The following RSPO4 variants were observed in gnomAD, a reference collection of about 807,000 sequenced individuals.
The protein encoded by RSPO4 is R-spondin 4.
A neutral mutation model predicts 24.8 loss-of-function variants in RSPO4; 23 were observed. The observed-to-expected ratio is 0.93, with a 90% confidence interval of 0.67 to 1.31. The LOEUF (loss-of-function observed/expected upper bound fraction) is 1.31, where lower values mean the gene tolerates loss of function less well. RSPO4 is among the 40% of genes most tolerant of loss of function. The pLI, the probability that RSPO4 is intolerant of heterozygous loss-of-function variation, is 0.00. For synonymous variants in RSPO4, 141 were observed against 127.4 expected, an observed-to-expected ratio of 1.11 and a Z score of -0.72; for missense variants, 333 against 316.5, an observed-to-expected ratio of 1.05 and a Z score of -0.39.
At chr20:971,870 G>T (rs1490860403) in intron 1 of RSPO4, among the ~76,000 whole-genome samples, 1 of 152,108 alleles carries the variant, frequency 6.6e-6, no homozygotes, top group African/African-American at 2.4e-5. Context: ...GCAGGAGGAG[G>T]CCTACATTCT....
chr20:965,264 G>A (rs949238229), intron 3 of RSPO4, among the ~76,000 whole-genome samples: 10 of 152,240 alleles, frequency 6.6e-5, no homozygotes, highest in South Asian at 2.1e-4. Context: ...GTGGGATGGC[G>A]GGGAAGGGGA....
intron 1 of RSPO4, among the ~76,000 whole-genome samples, chr20:991,472 T>C (rs1985099883): frequency 6.6e-6 from 1 of 152,028 alleles, no homozygotes; most frequent in African/African-American, 2.4e-5. Flanking sequence ...ATCTAGGTAA[T>C]ACAAGGAAGC....
rs1015782198 is a variant in RSPO4, at chr20:1,002,034, C to T, written c.79+52G>A. 3.4e-6 allele frequency: 5 copies of T among 1,477,866 alleles called. No homozygotes were observed. The African/African-American group carries it at 7.0e-5, about 21-fold the overall frequency. 91.5% of individuals were successfully genotyped at this position (1,477,866 alleles called of 1,614,324 possible). On this transcript the variant is annotated intron_variant, in intron 1 of 4. Transcript: ENST00000217260. This position sits in a 1 kb window ranked among gnomAD's most constrained non-coding sequence, Gnocchi z 4.6. The stretch of plus-strand genomic sequence containing the variant: ...CCGCCGCCCCCGGTCCTCCGGCCCC[C>T]GGTCTGCCCCGCAGCGCCTGCCCGG...
intron 1 of RSPO4, among the ~76,000 whole-genome samples, chr20:995,388 T>C (rs1276656833): frequency 6.6e-6 from 1 of 152,040 alleles, no homozygotes; most frequent in Non-Finnish European, 1.5e-5. Context: ...TGAACCAACT[T>C]CCCTCTTCTG....
rs765511134 is a variant in RSPO4 at position 967,241 on chromosome 20, G to A, written c.342C>T (p.Tyr114=). ...GGCAGGTGGGCAGACACTTCCCCTT[G>A]TACAAGTAAAACTGCCTCTTGCACC... The part of the protein sequence containing the change: ...CIRCKRQFYL[Y]KGKCLPTCPP... The change falls in exon 3 of 5, where the codon TAC becomes TAT. Residue 114 remains tyrosine (Y), a synonymous_variant. Transcript: ENST00000217260. 10 of 1,614,116 alleles carry A rather than the reference G, an allele frequency of 6.2e-6. No homozygotes were observed. The highest frequency in any genetic ancestry group is 8.5e-6 in the Non-Finnish European group (10 of 1,180,046).
chr20:968,139 C>T lies in RSPO4; in HGVS notation c.80-1G>A, dbSNP rs908831396. 89 of 1,613,720 alleles carry T rather than the reference C, an allele frequency of 5.5e-5. No homozygotes were observed. Among genetic ancestry groups the T allele is most frequent in the Non-Finnish European group, 7.3e-5 (86 of 1,179,880 alleles). On this transcript the variant is annotated splice_acceptor_variant, in intron 1 of 4. Coordinates refer to ENST00000217260, the MANE Select transcript of RSPO4 (RefSeq NM_001029871.4). LOFTEE classifies it high-confidence loss of function. ...CAGTTGCCCCCCAGGCCAGTGCCCA[C>T]TGCCCACAAGACCAGGGCAGAAGGA...
chr20:968,082 C>T lies in RSPO4; in HGVS notation c.136G>A (p.Gly46Ser), dbSNP rs375035609. Residue 46 changes from glycine to serine, a missense_variant, in exon 2 of 5, where the codon GGC becomes AGC. Physicochemically the swap from Gly to Ser is moderately conservative, Grantham distance 56. Coordinates refer to ENST00000217260, the MANE Select transcript of RSPO4 (RefSeq NM_001029871.4). The stretch of plus-strand genomic sequence containing the variant: ...AGCCTCTGCTGGCAGGTGGAACAGC[C>T]GTTCTCCTCTGAGCAGATGATACAG... ...TGCIICSEEN[G>S]CSTCQQRLFL... is the part of the protein sequence containing the mutation. 528 of 1,614,082 alleles carry T rather than the reference C, an allele frequency of 3.3e-4. No homozygotes were observed. The highest frequency in any genetic ancestry group is 4.1e-4 in the Non-Finnish European group (483 of 1,180,056).
At chr20:971,907 TC>T (rs1186916743) in intron 1 of RSPO4, among the ~76,000 whole-genome samples, 1 of 152,062 alleles carries the variant, frequency 6.6e-6, no homozygotes, top group Non-Finnish European at 1.5e-5. Context: ...CTAGCTCCCC[TC>T]CCAAGCCCTG....
rs574978019 is a variant in RSPO4, at chr20:964,406, G to A, written c.410-286C>T. 2.6e-4 allele frequency among the ~76,000 whole-genome samples: 40 copies of A among 152,210 alleles called. 1 individual carries two copies. The South Asian group carries it at 6.4e-3, about 24-fold the overall frequency. On this transcript the variant is annotated intron_variant, in intron 3 of 4. Transcript: ENST00000217260. ...GAGTTAAAGGGAGAGAGGGGAGCTC[G>A]TCAGGTGAGAAGAAGGAAGCCCATT...
In RSPO4 at chr20:981,486, T is replaced by C. The variant is rs1479509482; in HGVS notation, c.80-13348A>G. Among the ~76,000 whole-genome samples the C allele has an allele frequency of 6.6e-6, 1 of 152,092 alleles. No individual in the cohort carries two copies. Among genetic ancestry groups the C allele is most frequent in the Non-Finnish European group, 1.5e-5 (1 of 68,012 alleles). On this transcript the variant is annotated intron_variant, in intron 1 of 4. Coordinates refer to ENST00000217260, the MANE Select transcript of RSPO4 (RefSeq NM_001029871.4). The surrounding 1 kb of genome is among the most constrained non-coding windows in gnomAD (Gnocchi z 4.6). ...GTTGCATGAGCCAAGATTGCACCAC[T>C]GCACTCCAGCCTGGGCGACAGAGTG...
chr20:973,902 C>G (rs1984485325), intron 1 of RSPO4, among the ~76,000 whole-genome samples: 1 of 152,208 alleles, frequency 6.6e-6, no homozygotes, highest in South Asian at 2.1e-4. Flanking sequence ...AGGATGCCCT[C>G]TTGTGCCTCT....
At chr20:992,140 T>C (rs903754817) in intron 1 of RSPO4, among the ~76,000 whole-genome samples, 3 of 152,190 alleles carry the variant, frequency 2.0e-5, no homozygotes, top group Non-Finnish European at 2.9e-5. Context: ...CCCCCCAAAA[T>C]AGCCATCACA....
chr20:990,154 AC>A (rs1230564928), intron 1 of RSPO4, among the ~76,000 whole-genome samples: 1 of 151,958 alleles, frequency 6.6e-6, no homozygotes, highest in Non-Finnish European at 1.5e-5. Context: ...GTGGTCCGTC[AC>A]CCCTCCCTGC....
chr20:982,707 C>T (rs146535278), intron 1 of RSPO4, among the ~76,000 whole-genome samples: 2 of 152,184 alleles, frequency 1.3e-5, no homozygotes, highest in African/African-American at 4.8e-5. Flanking sequence ...CTCGCATCCT[C>T]TCTGAGCCTA....
At chr20:972,406 A>G (rs974880156) in intron 1 of RSPO4, among the ~76,000 whole-genome samples, 5 of 152,178 alleles carry the variant, frequency 3.3e-5, no homozygotes, top group Admixed American at 6.5e-5. Flanking sequence ...CTCTAAGACT[A>G]TATTTCCCAG....
intron 4 of RSPO4, among the ~76,000 whole-genome samples, chr20:962,199 G>T (rs1984020312): frequency 6.6e-6 from 1 of 152,196 alleles, no homozygotes; most frequent in African/African-American, 2.4e-5. Flanking sequence ...ACACGAGAAT[G>T]AGAAGGCTCA....
At chr20:988,284 G>A (rs1984985818) in intron 1 of RSPO4, among the ~76,000 whole-genome samples, 1 of 152,176 alleles carries the variant, frequency 6.6e-6, no homozygotes, top group African/African-American at 2.4e-5. Flanking sequence ...TGGGTTGCAA[G>A]CCGAGGAGTG....
intron 1 of RSPO4, among the ~76,000 whole-genome samples, chr20:983,982 T>G (rs1241623606): frequency 6.6e-6 from 1 of 152,126 alleles, no homozygotes. Flanking sequence ...GGGGAGAGTC[T>G]AGGCCCCAGA....
At chr20:980,342 G>A (rs1489885720) in intron 1 of RSPO4, among the ~76,000 whole-genome samples, 3 of 152,088 alleles carry the variant, frequency 2.0e-5, no homozygotes, top group Non-Finnish European at 4.4e-5. Context: ...CCAGTGCTGT[G>A]CTGAGGCCTT....
Sources: allele counts gnomAD v4.1 joint callset (sites outside exome capture counted in the v4.1 genomes callset), GRCh38; gene constraint gnomAD v4.1.1; non-coding constraint Gnocchi (gnomAD v3.1); transcripts MANE v1.5; gene names NCBI Gene and HGNC (gene_info 2026-07-23, HGNC 2026-07-21).